PAK3: variants seen among roughly 807,000 people sequenced by gnomAD.
PAK3 encodes serine/threonine-protein kinase PAK 3.
A neutral mutation model predicts 41.0 loss-of-function variants in PAK3; 4 were observed. The ratio of observed to expected loss-of-function variants is 0.10; its 90% CI spans 0.05 to 0.22. The LOEUF (loss-of-function observed/expected upper bound fraction) is 0.22. Ranked by LOEUF, PAK3 falls within the 10% of genes least tolerant of loss-of-function variation. The pLI is 1.00. For synonymous variants in PAK3, 146 were observed against 139.6 expected, an observed-to-expected ratio of 1.05 and a Z score of -0.32; for missense variants, 205 against 409.9, an observed-to-expected ratio of 0.50 and a Z score of 4.32.
intron 1 of PAK3, among the ~76,000 whole-genome samples, chrX:111,078,493 T>C (rs1368424556): frequency 9.0e-6 from 1 of 111,198 alleles, no homozygotes; most frequent in Admixed American, 9.6e-5. Flanking sequence ...ACTATGCCCA[T>C]ATAAGATGGC....
chrX:111,123,064 T>C lies in PAK3; in HGVS notation c.-27-13T>C. The stretch of plus-strand genomic sequence containing the variant: ...TCTCCCTCAACTCCTTTTTTTTCCC[T>C]CCTTTTCTTTAGGAGCTGTGAAATT... On this transcript the variant is annotated splice_polypyrimidine_tract_variant and intron_variant, in intron 4 of 17. Coordinates refer to ENST00000372007, the MANE Select transcript of PAK3 (RefSeq NM_002578.5). 9.2e-7 allele frequency: 1 copy of C among 1,091,389 alleles called. No homozygotes were observed. The highest frequency in any genetic ancestry group is 1.3e-6 in the Non-Finnish European group (1 of 785,728). 89.9% of individuals were successfully genotyped at this position (1,091,389 alleles called of 1,213,427 possible).
chrX:111,063,262 G>T (rs1379700401), intron 1 of PAK3, among the ~76,000 whole-genome samples: 1 of 112,118 alleles, frequency 8.9e-6, no homozygotes, highest in Non-Finnish European at 1.9e-5. Context: ...TGCCTCAGTG[G>T]GAGAGAGGAC....
At chrX:111,185,679 T>C (rs1461300836) in intron 11 of PAK3, among the ~76,000 whole-genome samples, 1 of 111,425 alleles carries the variant, frequency 9.0e-6, no homozygotes, top group African/African-American at 3.3e-5. Flanking sequence ...CTGTTGTAGA[T>C]GTGTGGCATT....
At chrX:111,007,041 T>C (rs1335607566) in intron 1 of PAK3, among the ~76,000 whole-genome samples, 2 of 109,126 alleles carry the variant, frequency 1.8e-5, no homozygotes, top group African/African-American at 6.7e-5. Context: ...ATAGACTCCC[T>C]GGTGATGCCA....
chrX:110,969,265 T>C lies in PAK3; in HGVS notation c.-28+24637T>C, dbSNP rs372942438. Among the ~76,000 whole-genome samples the C allele has an allele frequency of 2.2e-4, 23 of 104,397 alleles. No individual in the cohort carries two copies. In the East Asian group the frequency reaches 5.7e-3, roughly 26 times the overall value. 90.7% of individuals were successfully genotyped at this position (104,397 alleles called of 115,157 possible). A position where few individuals can be genotyped will look rare whatever the true frequency, so the allele number is the denominator to read the frequency against. On this transcript the variant is annotated intron_variant, in intron 1 of 14. Coordinates refer to the PAK3 transcript ENST00000425146. The stretch of plus-strand genomic sequence containing the variant: ...GGATGTTCAATTGCTACAGCATTAC[T>C]TGTCAAAAAGGCAATTCTTCCACTG...
chrX:111,219,235 T>TAATAAGAAG (rs1380610093), intron 17 of PAK3, among the ~76,000 whole-genome samples: 2 of 102,414 alleles, frequency 2.0e-5, no homozygotes, highest in African/African-American at 7.4e-5. Context: ...ATAATAATAA[T>TAATAAGAAG]AAGCAAGAGA....
rs189704715 is a variant in PAK3, at chrX:110,945,522, G to C, written c.-28+894G>C. Among the ~76,000 whole-genome samples the C allele has an allele frequency of 2.1e-4, 23 of 111,695 alleles. 1 individual carries two copies. Among genetic ancestry groups the C allele is most frequent in the African/African-American group, 7.5e-4 (23 of 30,668 alleles). On this transcript the variant is annotated intron_variant, in intron 1 of 14. Transcript: ENST00000425146. ...AAAGATGCCCAACTTTCTTAGCAGG[G>C]TTTCCTCTCTCAGCCAATGAGGATC...
At chrX:111,198,963 G>A (rs1289977905) in intron 16 of PAK3, among the ~76,000 whole-genome samples, 2 of 111,569 alleles carry the variant, frequency 1.8e-5, no homozygotes, top group Non-Finnish European at 3.8e-5. Context: ...CCAAGAGCAT[G>A]GAAAGTTTTT....
chrX:111,015,714 T>A (rs2092078505), intron 1 of PAK3, among the ~76,000 whole-genome samples: 1 of 112,242 alleles, frequency 8.9e-6, no homozygotes, highest in Non-Finnish European at 1.9e-5. Context: ...ATGTAGAGCA[T>A]CTTCTTTGTG....
In PAK3 at chrX:111,103,251, C is replaced by T. The variant is rs2093181572; in HGVS notation, c.-83C>T. On this transcript the variant is annotated 5_prime_UTR_variant, in exon 4 of 18. Coordinates refer to ENST00000372007, the MANE Select transcript of PAK3 (RefSeq NM_002578.5). ...TGTAGGAGCTGAAGCCAGCCCGGAC[C>T]CTTCTCATGGGCAGTGCCCACCTGT... 1 of 112,221 alleles carries T rather than the reference C, an allele frequency of 8.9e-6. No individual in the cohort carries two copies. The allele number at this position is 112,221 out of a possible 1,213,427, so 9.2% of individuals were successfully genotyped here.
At chrX:110,972,785 G>A (rs181364827) in intron 1 of PAK3, among the ~76,000 whole-genome samples, 15 of 111,234 alleles carry the variant, frequency 1.3e-4, no homozygotes, top group African/African-American at 3.3e-4. Flanking sequence ...GAGGATGTTC[G>A]AACCCATCAC....
chrX:110,948,546 C>T (rs1212583566), intron 1 of PAK3, among the ~76,000 whole-genome samples: 1 of 111,666 alleles, frequency 9.0e-6, no homozygotes, highest in Non-Finnish European at 1.9e-5. Context: ...GACTATTGAC[C>T]CTTCTTGGAT....
intron 1 of PAK3, among the ~76,000 whole-genome samples, chrX:111,029,817 T>C (rs1323008084): frequency 8.9e-6 from 1 of 112,058 alleles, no homozygotes; most frequent in Non-Finnish European, 1.9e-5. Context: ...CTATATGTGA[T>C]GAAAAACATG....
At chrX:111,204,397 A>G (rs2094716762) in intron 16 of PAK3, among the ~76,000 whole-genome samples, 1 of 111,453 alleles carries the variant, frequency 9.0e-6, no homozygotes, top group African/African-American at 3.3e-5. Context: ...TGATTGCCCT[A>G]ATAGGTACCA....
chrX:111,167,083 A>T (rs1335471070), intron 10 of PAK3, among the ~76,000 whole-genome samples: 1 of 111,787 alleles, frequency 8.9e-6, no homozygotes, highest in Non-Finnish European at 1.9e-5. Flanking sequence ...ATAAACAGTA[A>T]TATAAAATTG....
intron 11 of PAK3, among the ~76,000 whole-genome samples, chrX:111,184,859 T>C (rs1274431102): frequency 9.0e-6 from 1 of 111,664 alleles, no homozygotes. Flanking sequence ...GCAATAAACG[T>C]ACATGTACAC....
intron 10 of PAK3, among the ~76,000 whole-genome samples, chrX:111,165,002 T>G (rs1199841282): frequency 9.0e-6 from 1 of 111,300 alleles, no homozygotes; most frequent in African/African-American, 3.3e-5. Context: ...GGAGAATATT[T>G]TTATTGTCCT....
At chrX:110,962,671 G>A (rs2091004223) in intron 1 of PAK3, among the ~76,000 whole-genome samples, 1 of 112,359 alleles carries the variant, frequency 8.9e-6, no homozygotes, top group South Asian at 3.7e-4. Context: ...ACATAACAGG[G>A]CCAAGCCGCC....
chrX:110,997,968 T>C (rs1281616259), intron 1 of PAK3, among the ~76,000 whole-genome samples: 5 of 111,804 alleles, frequency 4.5e-5, no homozygotes, highest in Non-Finnish European at 9.4e-5. Flanking sequence ...TTGGACGTTC[T>C]AGCCTCTGAA....
Sources: allele counts gnomAD v4.1 joint callset (sites outside exome capture counted in the v4.1 genomes callset), GRCh38; gene constraint gnomAD v4.1.1; transcripts MANE v1.5; gene names NCBI Gene and HGNC (gene_info 2026-07-23, HGNC 2026-07-21).